Variants in TENM3 observed in about 807,000 individuals in gnomAD.
TENM3 encodes teneurin transmembrane protein 3.
A neutral mutation model predicts 255.1 loss-of-function variants in TENM3; 63 were observed. That is an observed-to-expected ratio of 0.25 (90% CI 0.20 to 0.30). TENM3 has a LOEUF of 0.30. TENM3 is among the 10% of genes least tolerant of loss of function. TENM3 has a pLI of 1.00. For missense variants in TENM3, 2,929 were observed against 3,461.1 expected (o/e 0.85, Z 3.86); for synonymous variants, 1,306 against 1,322.3 (o/e 0.99, Z 0.27).
chr4:182,607,447 A>G (rs1416546599), intron 4 of TENM3, among the ~76,000 whole-genome samples: 1 of 152,206 alleles, frequency 6.6e-6, no homozygotes, highest in Non-Finnish European at 1.5e-5. Context: ...GAGAAGAAAA[A>G]AAATCTTCAA....
the TENM3 span, among the ~76,000 whole-genome samples, chr4:181,546,313 C>G: frequency 5.3e-5 from 8 of 152,156 alleles, no homozygotes; most frequent in African/African-American, 1.9e-4. Context: ...AACTCGTGCT[C>G]ACAGTACAAC....
At chr4:182,504,609 C>G (rs988645990) in intron 3 of TENM3, among the ~76,000 whole-genome samples, 3 of 152,310 alleles carry the variant, frequency 2.0e-5, no homozygotes, top group East Asian at 1.9e-4. Flanking sequence ...CGAATTAGTT[C>G]TTATTCGCAT....
At chr4:182,329,208 G>A (rs888941879) in intron 2 of TENM3, among the ~76,000 whole-genome samples, 6 of 152,170 alleles carry the variant, frequency 3.9e-5, no homozygotes, top group Non-Finnish European at 7.3e-5. Context: ...CCAAGCTGGC[G>A]CAAGTGTTTT....
At chr4:181,741,429 T>C in the TENM3 span, among the ~76,000 whole-genome samples, 2 of 152,176 alleles carry the variant, frequency 1.3e-5, no homozygotes, top group African/African-American at 4.8e-5. Flanking sequence ...GCAGTATCAC[T>C]GTGTGCTTCA....
chr4:181,516,506 C>T, the TENM3 span, among the ~76,000 whole-genome samples: 6 of 152,130 alleles, frequency 3.9e-5, no homozygotes, highest in East Asian at 5.8e-4. Context: ...CATGGGTGGG[C>T]GCGGTGGCTC....
At chr4:181,706,266 C>T in the TENM3 span, among the ~76,000 whole-genome samples, 1 of 152,148 alleles carries the variant, frequency 6.6e-6, no homozygotes, top group Non-Finnish European at 1.5e-5. Context: ...CCAGTGAGCT[C>T]ATTTTCACTT....
At chr4:181,639,727 C>G in the TENM3 span, among the ~76,000 whole-genome samples, 1 of 152,092 alleles carries the variant, frequency 6.6e-6, no homozygotes, top group Non-Finnish European at 1.5e-5. Flanking sequence ...GGGACAAGAG[C>G]AAGACTTATT....
the TENM3 span, among the ~76,000 whole-genome samples, chr4:182,061,070 T>C: frequency 5.9e-5 from 9 of 152,172 alleles, no homozygotes; most frequent in Non-Finnish European, 1.2e-4. Context: ...TCAGTTGTCA[T>C]TTCTATGACA....
At chr4:182,219,817 A>G (rs1246099591) in intron 1 of TENM3, among the ~76,000 whole-genome samples, 2 of 152,240 alleles carry the variant, frequency 1.3e-5, no homozygotes, top group African/African-American at 2.4e-5. Context: ...TTTGACTGTC[A>G]TACAGTCAAA....
At chr4:181,836,470 G>A in the TENM3 span, among the ~76,000 whole-genome samples, 1 of 152,114 alleles carries the variant, frequency 6.6e-6, no homozygotes, top group South Asian at 2.1e-4. Flanking sequence ...TTTGCATGTT[G>A]TGTATGAGGG....
the TENM3 span, among the ~76,000 whole-genome samples, chr4:182,117,955 T>A: frequency 2.0e-4 from 31 of 152,330 alleles, no homozygotes; most frequent in Non-Finnish European, 3.8e-4. Context: ...TTGTTTCATA[T>A]CTTAAATCAG....
At chr4:182,194,920 A>G (rs1042602122) in intron 1 of TENM3, among the ~76,000 whole-genome samples, 6 of 152,048 alleles carry the variant, frequency 3.9e-5, no homozygotes, top group South Asian at 2.1e-4. Context: ...TTGTCGTGAT[A>G]GAATTTATTT....
At chr4:181,817,409 TG>T in the TENM3 span, among the ~76,000 whole-genome samples, 1 of 152,144 alleles carries the variant, frequency 6.6e-6, no homozygotes, top group East Asian at 1.9e-4. Context: ...AAATGTCCCT[TG>T]GGGAGATGAA....
intron 1 of TENM3, among the ~76,000 whole-genome samples, chr4:182,209,024 G>C (rs1351092936): frequency 6.7e-6 from 1 of 149,144 alleles, no homozygotes; most frequent in East Asian, 2.0e-4. Flanking sequence ...GCTGGAGTGC[G>C]GTGGCACAGT....
chr4:181,710,360 A>C, the TENM3 span, among the ~76,000 whole-genome samples: 1 of 152,146 alleles, frequency 6.6e-6, no homozygotes, highest in African/African-American at 2.4e-5. Context: ...GGACCAAATA[A>C]GATGCAGACT....
At chr4:181,822,717 G>A in the TENM3 span, among the ~76,000 whole-genome samples, 1 of 152,150 alleles carries the variant, frequency 6.6e-6, no homozygotes, top group South Asian at 2.1e-4. Flanking sequence ...TGTCCTTTGA[G>A]GACAAGGTAA....
chr4:181,660,635 C>T, the TENM3 span, among the ~76,000 whole-genome samples: 1 of 152,126 alleles, frequency 6.6e-6, no homozygotes, highest in Admixed American at 6.5e-5. Context: ...TATTCTGGAA[C>T]TTATTCCGGC....
At chr4:182,745,433 CA>C in intron 19 of TENM3, among the ~76,000 whole-genome samples, 1 of 152,210 alleles carries the variant, frequency 6.6e-6, no homozygotes, top group South Asian at 2.1e-4. Context: ...GGTTGCACAC[CA>C]AGTAAATGTG....
the TENM3 span, among the ~76,000 whole-genome samples, chr4:181,653,136 G>A: frequency 2.6e-5 from 4 of 152,180 alleles, no homozygotes; most frequent in South Asian, 2.1e-4. Context: ...GGAATGCAGC[G>A]ATCGGCAGGG....
Sources: allele counts gnomAD v4.1 joint callset (sites outside exome capture counted in the v4.1 genomes callset), GRCh38; gene constraint gnomAD v4.1.1; transcripts MANE v1.5; gene names NCBI Gene and HGNC (gene_info 2026-07-23, HGNC 2026-07-21).